Variants in SFSWAP observed in about 807,000 individuals in gnomAD.
The protein encoded by SFSWAP is splicing factor SWAP.
Under a neutral mutation model 100.7 loss-of-function variants are expected in SFSWAP, and 17 were observed. That is an observed-to-expected ratio of 0.17 (90% CI 0.12 to 0.25). SFSWAP has a LOEUF of 0.25. Among genes scored for constraint, SFSWAP ranks in the 10% least tolerant of loss-of-function variants. The pLI is 1.00. For missense variants in SFSWAP, 1,005 were observed against 1,262.6 expected, an observed-to-expected ratio of 0.80 and a Z score of 3.09; for synonymous variants, 504 against 510.1, an observed-to-expected ratio of 0.99 and a Z score of 0.16.
chr12:131,789,641 G>T (rs369237415), intron 15 of SFSWAP, among the ~76,000 whole-genome samples: 2 of 101,970 alleles, frequency 2.0e-5, no homozygotes, highest in African/African-American at 7.6e-5. Flanking sequence ...TTCCCATCCC[G>T]CCCATCCCAT....
At chr12:131,754,915 G>A (rs1400693682) in intron 9 of SFSWAP, among the ~76,000 whole-genome samples, 2 of 152,072 alleles carry the variant, frequency 1.3e-5, no homozygotes, top group African/African-American at 4.8e-5. Flanking sequence ...TTACAGATGT[G>A]AGCCACCACG....
chr12:131,793,092 C>CTT (rs555447552), intron 15 of SFSWAP, among the ~76,000 whole-genome samples: 1 of 146,246 alleles, frequency 6.8e-6, no homozygotes, highest in African/African-American at 2.5e-5. Context: ...AAAGGAAAGT[C>CTT]TTTTTTTTTT....
rs1161043673 is a variant in SFSWAP at position 131,719,020 on chromosome 12, G to A, written c.521-434G>A. ...TTGAATTGCGTAGGTCCGCTTGTATGAGGATTTTTTTCAGCCAAACACTGA... is the reference window on the plus strand; with the variant it reads ...TTGAATTGCGTAGGTCCGCTTGTATAAGGATTTTTTTCAGCCAAACACTGA... On this transcript the variant is annotated intron_variant, in intron 3 of 17. Transcript: ENST00000261674. Among the ~76,000 whole-genome samples the A allele has an allele frequency of 2.6e-5, 4 of 152,270 alleles. No individual in the cohort carries two copies. The East Asian group carries it at 7.7e-4, about 29-fold the overall frequency.
At chr12:131,766,812 C>T (rs933359689) in intron 13 of SFSWAP, among the ~76,000 whole-genome samples, 3 of 152,248 alleles carry the variant, frequency 2.0e-5, no homozygotes, top group Non-Finnish European at 4.4e-5. Context: ...GTGGTGTGAG[C>T]AGGAATAGGG....
intron 14 of SFSWAP, among the ~76,000 whole-genome samples, chr12:131,781,975 G>C (rs1285228369): frequency 3.3e-5 from 5 of 152,212 alleles, no homozygotes; most frequent in Admixed American, 3.3e-4. Context: ...CCCCTCCACA[G>C]GGCCAAGGGC....
At position 131,711,188 on chromosome 12, in the gene SFSWAP, G is replaced by A. The variant is rs755094006; in HGVS notation, c.-42G>A. ...CAAGTGGAGGTATCAGGGACGTCGC[G>A]CGGCACAGAAGAGGACCAGCCTGGA... On this transcript the variant is annotated 5_prime_UTR_variant, in exon 1 of 18. Coordinates refer to ENST00000261674, the MANE Select transcript of SFSWAP (RefSeq NM_004592.4). The surrounding 1 kb of genome is among the most constrained non-coding windows in gnomAD (Gnocchi z 4.9). 2 of 1,489,146 alleles carry A rather than the reference G, an allele frequency of 1.3e-6. No individual in the cohort carries two copies. The highest frequency in any genetic ancestry group is 1.4e-5 in the African/African-American group (1 of 71,886). The allele number at this position is 1,489,146 out of a possible 1,614,324, so 92.2% of individuals were successfully genotyped here.
intron 1 of SFSWAP, chr12:131,712,751 C>T (rs535498475): frequency 3.3e-5 from 5 of 152,284 alleles, no homozygotes; most frequent in African/African-American, 9.6e-5. Context: ...GCCTTCACAC[C>T]ATGGTTTATA....
At chr12:131,782,927 TC>T in intron 14 of SFSWAP, among the ~76,000 whole-genome samples, 1 of 152,294 alleles carries the variant, frequency 6.6e-6, no homozygotes, top group Non-Finnish European at 1.5e-5. Flanking sequence ...ACGCCTATAA[TC>T]CCGGCTCTTA....
Position 131,725,739 on chromosome 12 carries a change from G to C in SFSWAP, c.832+109G>C. 1 of 795,524 alleles carries C rather than the reference G, an allele frequency of 1.3e-6. No individual in the cohort carries two copies. The allele number at this position is 795,524 out of a possible 1,614,324, so 49.3% of individuals were successfully genotyped here. A position where few individuals can be genotyped will look rare whatever the true frequency, so the allele number is the denominator to read the frequency against. ...AAGATACACATTCTTACAGATGCAT[G>C]GTTGAAAGCCAGACTCGAATTTCTA... is the stretch of plus-strand genomic sequence containing the variant. On this transcript the variant is annotated intron_variant, in intron 5 of 17. Coordinates refer to ENST00000261674, the MANE Select transcript of SFSWAP (RefSeq NM_004592.4). This position sits in a 1 kb window ranked among gnomAD's most constrained non-coding sequence, Gnocchi z 4.3.
In SFSWAP at chr12:131,799,569, C is replaced by T. The variant is rs1309134956; in HGVS notation, c.*81C>T. 6 of 1,163,894 alleles carry T rather than the reference C, an allele frequency of 5.2e-6. No individual in the cohort carries two copies. Among genetic ancestry groups the T allele is most frequent in the Non-Finnish European group, 7.5e-6 (6 of 803,452 alleles). 72.1% of individuals were successfully genotyped at this position (1,163,894 alleles called of 1,614,324 possible). A position where few individuals can be genotyped will look rare whatever the true frequency, so the allele number is the denominator to read the frequency against. Reference sequence around the variant, plus strand: ...CGCAGACGCCGGCCACACCATCCACCTGGCCGCCTCCATGGACCCTTGGTG... The same window carrying T: ...CGCAGACGCCGGCCACACCATCCACTTGGCCGCCTCCATGGACCCTTGGTG... On this transcript the variant is annotated 3_prime_UTR_variant, in exon 18 of 18. Transcript: ENST00000261674.
Position 131,766,269 on chromosome 12 carries a change from A to C in SFSWAP, c.2103A>C (p.Ala701=). The C allele has an allele frequency of 6.2e-7, 1 of 1,614,218 alleles. No individual in the cohort carries two copies. The highest frequency in any genetic ancestry group is 8.5e-7 in the Non-Finnish European group (1 of 1,180,054). ...CCCTCAAAAATCCTCTGCCGGAAGC[A>C]GAAGCTGGGAAAATTGAGGAGAGTC... The part of the protein sequence containing the change: ...LQTLKNPLPE[A]EAGKIEESPF... The change falls in exon 13 of 18, where the codon GCA becomes GCC. Residue 701 remains alanine, a synonymous_variant. Transcript: ENST00000261674.
intron 7 of SFSWAP, among the ~76,000 whole-genome samples, chr12:131,749,429 C>T (rs1358208001): frequency 6.6e-6 from 1 of 152,222 alleles, no homozygotes; most frequent in African/African-American, 2.4e-5. Context: ...TACAGCCCAG[C>T]TTGTAGATTT....
chr12:131,784,702 A>T (rs1884766594), intron 14 of SFSWAP: 2 of 161,472 alleles, frequency 1.2e-5, no homozygotes, highest in South Asian at 3.9e-4. Context: ...CCTAATTAAC[A>T]GAATAAAAAG....
chr12:131,775,420 C>T (rs973818343), intron 13 of SFSWAP, among the ~76,000 whole-genome samples: 8 of 152,162 alleles, frequency 5.3e-5, no homozygotes, highest in East Asian at 1.9e-4. Context: ...GCCCCTGGGC[C>T]GGCTTGCTTT....
chr12:131,743,975 C>T (rs1880893800), intron 7 of SFSWAP, among the ~76,000 whole-genome samples: 1 of 152,228 alleles, frequency 6.6e-6, no homozygotes, highest in Admixed American at 6.5e-5. Flanking sequence ...TAAGCTGTAC[C>T]TTGGCCCCTT....
intron 11 of SFSWAP, among the ~76,000 whole-genome samples, chr12:131,761,105 G>GC (rs1407561263): frequency 3.9e-5 from 6 of 152,102 alleles, no homozygotes; most frequent in Non-Finnish European, 7.3e-5. Context: ...AACGAGCTGT[G>GC]CCCCCATTTT....
intron 13 of SFSWAP, among the ~76,000 whole-genome samples, chr12:131,772,652 A>G (rs1883711721): frequency 6.6e-6 from 1 of 152,080 alleles, no homozygotes. Context: ...GCATATTACA[A>G]TGCTCTTTTA....
chr12:131,722,431 C>T (rs1878560307), intron 4 of SFSWAP, among the ~76,000 whole-genome samples: 1 of 151,810 alleles, frequency 6.6e-6, no homozygotes, highest in South Asian at 2.1e-4. Context: ...AGTGTGGTGG[C>T]ACGTGCCTGT....
intron 17 of SFSWAP, 43 bp from the exon 18 acceptor site, chr12:131,799,380 G>T (rs201683541): frequency 6.3e-7 from 1 of 1,594,836 alleles, no homozygotes; most frequent in Non-Finnish European, 8.6e-7. Context: ...GGGTTGTCTG[G>T]CCAGGTCTTC....
Sources: gnomAD v4.1 joint callset for allele counts (sites outside exome capture counted in the v4.1 genomes callset) on GRCh38, gnomAD v4.1.1 for gene constraint, Gnocchi (gnomAD v3.1) non-coding constraint, MANE v1.5 for transcripts, NCBI Gene and HGNC (gene_info 2026-07-23, HGNC 2026-07-21) for gene names.